DPYD: variants seen among roughly 807,000 people sequenced by gnomAD.
DPYD encodes dihydropyrimidine dehydrogenase [NADP(+)].
DPYD carries 109 observed loss-of-function variants against 116.2 expected under a neutral mutation model. The observed-to-expected ratio is 0.94, with a 90% CI of 0.80 to 1.10. DPYD has a LOEUF of 1.10. Among genes scored for constraint, DPYD ranks in the 50% least tolerant of loss-of-function variants. The pLI is 0.00. For missense variants in DPYD, 1,302 were observed against 1,254.5 expected, an observed-to-expected ratio of 1.04 and a Z score of -0.57; for synonymous variants, 440 against 432.0, an observed-to-expected ratio of 1.02 and a Z score of -0.23.
intron 2 of DPYD, among the ~76,000 whole-genome samples, chr1:97,841,475 T>G (rs1463651913): frequency 6.6e-6 from 1 of 152,036 alleles, no homozygotes; most frequent in Non-Finnish European, 1.5e-5. Flanking sequence ...TAATTCTGAG[T>G]ATCTCTTACT....
intron 14 of DPYD, among the ~76,000 whole-genome samples, chr1:97,410,658 G>T (rs767525566): frequency 6.6e-6 from 1 of 152,014 alleles, no homozygotes; most frequent in Non-Finnish European, 1.5e-5. Context: ...GTCACATTGT[G>T]AGCATATTAT....
chr1:97,186,828 A>T (rs946372953), intron 20 of DPYD, among the ~76,000 whole-genome samples: 1 of 152,214 alleles, frequency 6.6e-6, no homozygotes, highest in Non-Finnish European at 1.5e-5. Context: ...AGCCTGGGTG[A>T]CAGAGCAAGA....
intron 8 of DPYD, among the ~76,000 whole-genome samples, chr1:97,630,166 T>C (rs147854501): frequency 0.013 from 2,027 of 151,992 alleles, 23 homozygotes; most frequent in Admixed American, 0.023. Context: ...AAAGCCACTA[T>C]ATACAGTCAA....
Position 97,714,796 on chromosome 1 carries a change from C to T in DPYD, c.483+6714G>A, listed in dbSNP as rs72734013. On this transcript the variant is annotated intron_variant, in intron 5 of 22. Transcript: ENST00000370192. ...GTATATTTGGCTAGCCTAGAAGATG[C>T]AACAGATACTGCTGTGGCCTTACAG... Among the ~76,000 whole-genome samples the T allele has an allele frequency of 4.1e-3, 623 of 152,044 alleles. 4 individuals carry two copies. The highest frequency in any genetic ancestry group is 0.014 in the African/African-American group (581 of 41,484).
intron 3 of DPYD, among the ~76,000 whole-genome samples, chr1:97,754,825 C>T (rs912739739): frequency 6.6e-6 from 1 of 152,124 alleles, no homozygotes; most frequent in African/African-American, 2.4e-5. Flanking sequence ...AATTAAAACC[C>T]TAGTTCAGAG....
At chr1:97,135,284 T>C (rs1254761399) in intron 20 of DPYD, among the ~76,000 whole-genome samples, 1 of 152,222 alleles carries the variant, frequency 6.6e-6, no homozygotes, top group Non-Finnish European at 1.5e-5. Context: ...TAAGTGTTCA[T>C]TAAATATGGA....
chr1:97,329,645 C>T (rs545035522), intron 16 of DPYD, among the ~76,000 whole-genome samples: 30 of 148,724 alleles, frequency 2.0e-4, no homozygotes, highest in African/African-American at 6.7e-4. Context: ...TCTAGGCACT[C>T]GGGAAGCTGA....
chr1:97,762,009 G>A (rs566212108), intron 3 of DPYD, among the ~76,000 whole-genome samples: 1 of 152,250 alleles, frequency 6.6e-6, no homozygotes, highest in South Asian at 2.1e-4. Flanking sequence ...CCACTTGAGG[G>A]TGGACAGTGG....
At chr1:97,086,124 G>C (rs1356316687) in intron 21 of DPYD, among the ~76,000 whole-genome samples, 1 of 152,116 alleles carries the variant, frequency 6.6e-6, no homozygotes, top group Non-Finnish European at 1.5e-5. Flanking sequence ...CGTGATCTCG[G>C]CTCACTGCAA....
chr1:97,400,315 G>C (rs1012867611), intron 14 of DPYD, among the ~76,000 whole-genome samples: 1 of 152,150 alleles, frequency 6.6e-6, no homozygotes, highest in African/African-American at 2.4e-5. Context: ...GATCATGGTG[G>C]ATAAGCTTTT....
At chr1:97,896,421 C>T (rs1216396606) in intron 1 of DPYD, among the ~76,000 whole-genome samples, 1 of 151,888 alleles carries the variant, frequency 6.6e-6, no homozygotes, top group Non-Finnish European at 1.5e-5. Context: ...CAAGTCTCAC[C>T]GATGATGTGC....
intron 8 of DPYD, among the ~76,000 whole-genome samples, chr1:97,654,820 C>G (rs1459487747): frequency 6.6e-6 from 1 of 152,102 alleles, no homozygotes; most frequent in Non-Finnish European, 1.5e-5. Context: ...AAAATGGAAT[C>G]GCAGTTCCAT....
At chr1:97,110,202 T>G (rs1651491702) in intron 20 of DPYD, among the ~76,000 whole-genome samples, 1 of 152,152 alleles carries the variant, frequency 6.6e-6, no homozygotes, top group African/African-American at 2.4e-5. Flanking sequence ...CAGATGTATT[T>G]GTTGAGTATT....
intron 3 of DPYD, among the ~76,000 whole-genome samples, chr1:97,751,777 T>TG (rs1441695673): frequency 6.7e-6 from 1 of 149,930 alleles, no homozygotes; most frequent in Non-Finnish European, 1.5e-5. Flanking sequence ...AAACGATTTT[T>TG]TTTTTTTGAG....
chr1:97,826,072 A>C (rs918355491), intron 3 of DPYD, among the ~76,000 whole-genome samples: 19 of 152,164 alleles, frequency 1.2e-4, no homozygotes, highest in African/African-American at 4.3e-4. Context: ...TTAAGCAAAC[A>C]AGTACATTTC....
At chr1:97,512,751 C>T (rs1647897061) in intron 13 of DPYD, among the ~76,000 whole-genome samples, 1 of 151,770 alleles carries the variant, frequency 6.6e-6, no homozygotes, top group Admixed American at 6.6e-5. Flanking sequence ...ATCGATTTCT[C>T]TCCCACCTTT....
At chr1:97,333,035 C>T (rs563658539) in intron 16 of DPYD, among the ~76,000 whole-genome samples, 1 of 151,398 alleles carries the variant, frequency 6.6e-6, no homozygotes, top group African/African-American at 2.4e-5. Context: ...TTTAAAAGAC[C>T]CCCAAAGAAA....
chr1:97,567,351 A>T (rs557319122), intron 11 of DPYD, among the ~76,000 whole-genome samples: 1 of 151,736 alleles, frequency 6.6e-6, no homozygotes, highest in Non-Finnish European at 1.5e-5. Context: ...ACACTCCCTT[A>T]TGGAACTAAC....
intron 8 of DPYD, among the ~76,000 whole-genome samples, chr1:97,603,994 T>C (rs1000324309): frequency 1.2e-4 from 18 of 152,126 alleles, no homozygotes; most frequent in Non-Finnish European, 2.6e-4. Flanking sequence ...GAATTACTCA[T>C]GTATGCTCTG....
Sources: gnomAD v4.1 joint callset for allele counts (sites outside exome capture counted in the v4.1 genomes callset) on GRCh38, gnomAD v4.1.1 for gene constraint, MANE v1.5 for transcripts, NCBI Gene and HGNC (gene_info 2026-07-23, HGNC 2026-07-21) for gene names.